ARB2A: variants seen among roughly 807,000 people sequenced by gnomAD.
ARB2A encodes ARB2 cotranscriptional regulator A.
At chr5:93,862,837 T>C in the ARB2A span, 4 of 152,204 alleles carry the variant, frequency 2.6e-5, no homozygotes, top group African/African-American at 9.7e-5. Flanking sequence ...TGTTCAACCT[T>C]TAAGTGTTTG....
the ARB2A span, among the ~76,000 whole-genome samples, chr5:93,721,348 G>A: frequency 1.3e-5 from 2 of 152,274 alleles, no homozygotes; most frequent in South Asian, 4.1e-4. Context: ...AAAAAAATAA[G>A]GCTTTCTAAT....
the ARB2A span, among the ~76,000 whole-genome samples, chr5:93,729,227 G>A: frequency 5.3e-5 from 8 of 151,888 alleles, no homozygotes; most frequent in Admixed American, 5.3e-4. Context: ...CTTTCTTTGT[G>A]TTGTTCCTCT....
the ARB2A span, chr5:93,865,320 ATCCGCCCGCC>A: frequency 1.3e-6 from 1 of 779,262 alleles, no homozygotes. Context: ...TGACCTTGTG[ATCCGCCCGCC>A]TCGGCCTCCC....
the ARB2A span, among the ~76,000 whole-genome samples, chr5:93,682,508 T>G: frequency 5.3e-5 from 8 of 152,130 alleles, no homozygotes; most frequent in East Asian, 3.9e-4. Context: ...AAAAAGTTTT[T>G]TTTTTTTTTT....
the ARB2A span, among the ~76,000 whole-genome samples, chr5:93,672,778 A>C: frequency 1.3e-5 from 2 of 152,246 alleles, no homozygotes; most frequent in African/African-American, 2.4e-5. Flanking sequence ...TACACTTAAA[A>C]TTATGGTTTA....
the ARB2A span, among the ~76,000 whole-genome samples, chr5:93,684,251 T>C: frequency 6.6e-6 from 1 of 152,202 alleles, no homozygotes; most frequent in African/African-American, 2.4e-5. Context: ...GAGTCAGAAT[T>C]GCAGTGTTTG....
At chr5:93,827,872 G>GT in the ARB2A span, among the ~76,000 whole-genome samples, 1 of 152,090 alleles carries the variant, frequency 6.6e-6, no homozygotes, top group Non-Finnish European at 1.5e-5. Context: ...CCCATTGCTT[G>GT]TTTTTCTCAG....
chr5:93,759,855 C>T, the ARB2A span, among the ~76,000 whole-genome samples: 1 of 152,132 alleles, frequency 6.6e-6, no homozygotes, highest in Non-Finnish European at 1.5e-5. Flanking sequence ...GATGTCCACT[C>T]TCATGACTCC....
At chr5:94,096,595 C>T in the ARB2A span, among the ~76,000 whole-genome samples, 15 of 152,282 alleles carry the variant, frequency 9.9e-5, no homozygotes, top group African/African-American at 3.6e-4. Context: ...GTCTTGTTAG[C>T]ACCTCTTTAA....
the ARB2A span, among the ~76,000 whole-genome samples, chr5:93,729,897 G>T: frequency 2.6e-5 from 4 of 152,214 alleles, no homozygotes; most frequent in East Asian, 1.9e-4. Context: ...CATTTTAGTA[G>T]AAAGTGGTAT....
the ARB2A span, among the ~76,000 whole-genome samples, chr5:93,993,804 A>G: frequency 7.4e-4 from 112 of 150,788 alleles, 1 homozygote; most frequent in African/African-American, 2.6e-3. Context: ...GAGACAATAT[A>G]TATTAAATAC....
chr5:93,764,595 C>G, the ARB2A span, among the ~76,000 whole-genome samples: 1 of 152,194 alleles, frequency 6.6e-6, no homozygotes, highest in Non-Finnish European at 1.5e-5. Flanking sequence ...GACAGATTCA[C>G]AGCCGAACTC....
the ARB2A span, chr5:93,824,228 C>A: frequency 6.3e-7 from 1 of 1,590,284 alleles, no homozygotes; most frequent in East Asian, 2.3e-5. Flanking sequence ...ATGAAATGAT[C>A]CCAAACATAG....
chr5:93,788,643 T>C, the ARB2A span, among the ~76,000 whole-genome samples: 131 of 152,340 alleles, frequency 8.6e-4, no homozygotes, highest in African/African-American at 3.0e-3. Context: ...AACTCCACCA[T>C]AAATGACTTT....
chr5:93,830,311 G>GTGTATGTGTGTGTGTGTATATA, the ARB2A span, among the ~76,000 whole-genome samples: 1 of 82,270 alleles, frequency 1.2e-5, no homozygotes, highest in Admixed American at 1.3e-4. Context: ...GTGTGTGTGT[G>GTGTATGTGTGTGTGTGTATATA]TATATATATA....
the ARB2A span, among the ~76,000 whole-genome samples, chr5:94,068,990 G>A: frequency 1.1e-4 from 16 of 151,724 alleles, no homozygotes; most frequent in African/African-American, 1.4e-4. Flanking sequence ...AGCCGAGATC[G>A]TGCCATTGCA....
At chr5:93,666,928 A>G in the ARB2A span, among the ~76,000 whole-genome samples, 2 of 152,234 alleles carry the variant, frequency 1.3e-5, no homozygotes, top group Non-Finnish European at 2.9e-5. Context: ...AGTTGTAAAT[A>G]TAAGAGATGT....
At chr5:93,885,337 T>C in the ARB2A span, among the ~76,000 whole-genome samples, 1 of 151,650 alleles carries the variant, frequency 6.6e-6, no homozygotes, top group African/African-American at 2.4e-5. Flanking sequence ...GCTTAGACTC[T>C]TAAACATTTT....
At chr5:93,710,657 C>T in the ARB2A span, among the ~76,000 whole-genome samples, 1 of 152,158 alleles carries the variant, frequency 6.6e-6, no homozygotes, top group Non-Finnish European at 1.5e-5. Context: ...CCACTCCCTA[C>T]AGTTCAGTTA....
Sources: gnomAD v4.1 joint callset for allele counts (sites outside exome capture counted in the v4.1 genomes callset) on GRCh38, gnomAD v4.1.1 for gene constraint, MANE v1.5 for transcripts, NCBI Gene and HGNC (gene_info 2026-07-23, HGNC 2026-07-21) for gene names.